The following FBXW2 variants were observed in gnomAD, a reference collection of about 807,000 sequenced individuals.
FBXW2 encodes the protein F-box and WD repeat domain containing 2, also known as F-box/WD repeat-containing protein 2.
FBXW2 carries 12 observed loss-of-function variants against 46.0 expected under a neutral mutation model. That is an observed-to-expected ratio of 0.26 (90% CI 0.17 to 0.42). The LOEUF is 0.42. FBXW2 is among the 10% of genes least tolerant of loss of function. FBXW2 has a pLI of 1.00. For synonymous variants in FBXW2, 203 were observed against 209.6 expected, an observed-to-expected ratio of 0.97 and a Z score of 0.27; for missense variants, 360 against 537.0, an observed-to-expected ratio of 0.67 and a Z score of 3.26.
chr9:120,773,623 A>C (rs1444200143), intron 5 of FBXW2, among the ~76,000 whole-genome samples: 1 of 152,218 alleles, frequency 6.6e-6, no homozygotes, highest in Non-Finnish European at 1.5e-5. Flanking sequence ...TTTTGCAATC[A>C]ATCAGGCTAA....
intron 3 of FBXW2, among the ~76,000 whole-genome samples, chr9:120,784,528 C>G (rs2044678301): frequency 6.6e-6 from 1 of 151,782 alleles, no homozygotes; most frequent in Non-Finnish European, 1.5e-5. Flanking sequence ...ATGGGAGGAT[C>G]ACCTGAGCCC....
rs1229398530 is a variant in FBXW2, at chr9:120,757,005, T to C, written c.*7554A>G. ...TGAACTATTATTTCTAAATCAGTGATAATTAGATTAGTGAAATTTTATTTA... is the reference window on the plus strand; with the variant it reads ...TGAACTATTATTTCTAAATCAGTGACAATTAGATTAGTGAAATTTTATTTA... On this transcript the variant is annotated 3_prime_UTR_variant, in exon 8 of 8. Coordinates refer to ENST00000608872, the MANE Select transcript of FBXW2 (RefSeq NM_012164.4). 1 of 152,240 alleles carries C rather than the reference T, an allele frequency of 6.6e-6. No individual in the cohort carries two copies. Among genetic ancestry groups the C allele is most frequent in the African/African-American group, 2.4e-5 (1 of 41,464 alleles). The allele number at this position is 152,240 out of a possible 1,614,324, so 9.4% of individuals were successfully genotyped here.
At position 120,763,074 on chromosome 9, in the gene FBXW2, T is replaced by C. The variant is rs926950237; in HGVS notation, c.*1485A>G. 6.6e-6 allele frequency: 1 copy of C among 152,212 alleles called. No individual in the cohort carries two copies. Among genetic ancestry groups the C allele is most frequent in the Middle Eastern group, 3.2e-3 (1 of 316 alleles). The allele number at this position is 152,212 out of a possible 1,614,324, so 9.4% of individuals were successfully genotyped here. A position where few individuals can be genotyped will look rare whatever the true frequency, so the allele number is the denominator to read the frequency against. On this transcript the variant is annotated 3_prime_UTR_variant, in exon 8 of 8. Transcript: ENST00000608872. ...GTTTGGCTCACCTTATTTCAAATTT[T>C]CTTTAATCAGTTGTAACGTTTTAAA...
In FBXW2 at chr9:120,760,797, A is replaced by C. The variant is rs752326612; in HGVS notation, c.*3762T>G. 1 of 152,220 alleles carries C rather than the reference A, an allele frequency of 6.6e-6. No individual in the cohort carries two copies. The highest frequency in any genetic ancestry group is 1.5e-5 in the Non-Finnish European group (1 of 68,038). 9.4% of individuals were successfully genotyped at this position (152,220 alleles called of 1,614,324 possible). ...ATCCTTAGCTGATTCTGTTAGATCA[A>C]AATGCCTAATACAAACAATTTCCTC... is the stretch of plus-strand genomic sequence containing the variant. On this transcript the variant is annotated 3_prime_UTR_variant, in exon 8 of 8. Coordinates refer to ENST00000608872, the MANE Select transcript of FBXW2 (RefSeq NM_012164.4).
At position 120,760,522 on chromosome 9, in the gene FBXW2, G is replaced by A. The variant is rs1420428084; in HGVS notation, c.*4037C>T. ...ACGCGCCTGTAGTCTCAGCTACTCA[G>A]GAGGCTGAGGCAGGAGAATCGCTTG... On this transcript the variant is annotated 3_prime_UTR_variant, in exon 8 of 8. Coordinates refer to ENST00000608872, the MANE Select transcript of FBXW2 (RefSeq NM_012164.4). The A allele has an allele frequency of 6.6e-6, 1 of 152,492 alleles. No homozygotes were observed. The highest frequency in any genetic ancestry group is 1.9e-4 in the East Asian group (1 of 5,214). The allele number at this position is 152,492 out of a possible 1,614,324, so 9.4% of individuals were successfully genotyped here.
chr9:120,791,172 CTT>C (rs1451710338), intron 2 of FBXW2, among the ~76,000 whole-genome samples: 1 of 152,176 alleles, frequency 6.6e-6, no homozygotes, highest in Non-Finnish European at 1.5e-5. Context: ...AAACTGGACT[CTT>C]TTAGGCAGCC....
At chr9:120,785,711 C>A (rs2044705392) in intron 3 of FBXW2, among the ~76,000 whole-genome samples, 2 of 151,988 alleles carry the variant, frequency 1.3e-5, no homozygotes, top group Non-Finnish European at 2.9e-5. Flanking sequence ...TCAATTCAAT[C>A]TATCTGGAAA....
At chr9:120,782,890 A>T (rs934043578) in intron 3 of FBXW2, among the ~76,000 whole-genome samples, 1 of 152,128 alleles carries the variant, frequency 6.6e-6, no homozygotes, top group African/African-American at 2.4e-5. Flanking sequence ...AAAATTGGAT[A>T]CAGTTTAACT....
At chr9:120,766,333 A>G (rs960330906) in intron 7 of FBXW2, among the ~76,000 whole-genome samples, 6 of 152,238 alleles carry the variant, frequency 3.9e-5, no homozygotes, top group Non-Finnish European at 5.9e-5. Context: ...AACTAGGATC[A>G]GAGGCAAAGA....
intron 5 of FBXW2, among the ~76,000 whole-genome samples, chr9:120,775,039 T>C (rs1164076337): frequency 6.6e-6 from 1 of 152,164 alleles, no homozygotes; most frequent in African/African-American, 2.4e-5. Flanking sequence ...AAAAACTTTT[T>C]TCTGAACTAA....
chr9:120,771,794 C>T (rs1244529003), intron 6 of FBXW2, among the ~76,000 whole-genome samples: 5 of 152,132 alleles, frequency 3.3e-5, no homozygotes, highest in Admixed American at 6.5e-5. Context: ...CACGGTGGCT[C>T]GCGCCTGTAA....
At position 120,787,915 on chromosome 9, in the gene FBXW2, T is replaced by A. The variant is rs1320067241; in HGVS notation, c.344A>T (p.Asp115Val). Residue 115 changes from aspartate to valine, a missense_variant, in exon 3 of 8, where the codon GAC (aspartate) becomes GTC (valine). Transcript: ENST00000608872. ...LGWQIDDSVQ[D>V]ALHWKKVYLK... ...ATAAACCTTCTTCCAGTGCAAAGCG[T>A]CCTGAACAGAATCATCTATCTGCCA... is the stretch of plus-strand genomic sequence containing the variant. 2 of 1,614,230 alleles carry A rather than the reference T, an allele frequency of 1.2e-6. No homozygotes were observed. Among genetic ancestry groups the A allele is most frequent in the South Asian group, 2.2e-5 (2 of 91,086 alleles).
intron 2 of FBXW2, among the ~76,000 whole-genome samples, chr9:120,790,247 G>T (rs893386650): frequency 6.6e-6 from 1 of 152,190 alleles, no homozygotes; most frequent in Non-Finnish European, 1.5e-5. Context: ...GTGAGACTGA[G>T]GTGGGCTCGG....
chr9:120,779,665 G>A (rs2044569282), intron 3 of FBXW2, among the ~76,000 whole-genome samples: 1 of 152,190 alleles, frequency 6.6e-6, no homozygotes, highest in Non-Finnish European at 1.5e-5. Context: ...AAAACACACA[G>A]GCAGGTCCCT....
Position 120,763,635 on chromosome 9 carries a change from A to G in FBXW2, c.*924T>C, listed in dbSNP as rs1258210393. 6.6e-6 allele frequency: 1 copy of G among 152,230 alleles called. No individual in the cohort carries two copies. Among genetic ancestry groups the G allele is most frequent in the African/African-American group, 2.4e-5 (1 of 41,462 alleles). 9.4% of individuals were successfully genotyped at this position (152,230 alleles called of 1,614,324 possible). On this transcript the variant is annotated 3_prime_UTR_variant, in exon 8 of 8. Coordinates refer to ENST00000608872, the MANE Select transcript of FBXW2 (RefSeq NM_012164.4). ...TCATTTAAATATTATCCGACCTGAAAGAAACCATGAATCAGGGATCAGACA... is the reference window on the plus strand; with the variant it reads ...TCATTTAAATATTATCCGACCTGAAGGAAACCATGAATCAGGGATCAGACA...
At chr9:120,789,937 T>G (rs2044800591) in intron 2 of FBXW2, among the ~76,000 whole-genome samples, 1 of 152,236 alleles carries the variant, frequency 6.6e-6, no homozygotes, top group African/African-American at 2.4e-5. Context: ...TAGAGAAGAT[T>G]TATTAATCTG....
chr9:120,779,850 A>G (rs1056248021), intron 3 of FBXW2, among the ~76,000 whole-genome samples: 2 of 152,228 alleles, frequency 1.3e-5, no homozygotes, highest in African/African-American at 4.8e-5. Context: ...CCTAATAGTT[A>G]CATTAAAAAA....
intron 3 of FBXW2, among the ~76,000 whole-genome samples, chr9:120,780,094 C>T (rs571075790): frequency 5.3e-5 from 8 of 150,086 alleles, no homozygotes; most frequent in Non-Finnish European, 8.8e-5. Context: ...GCTGAGATCA[C>T]GCCACTGCAT....
At chr9:120,783,322 T>C (rs1011353674) in intron 3 of FBXW2, among the ~76,000 whole-genome samples, 17 of 152,260 alleles carry the variant, frequency 1.1e-4, no homozygotes, top group African/African-American at 3.6e-4. Flanking sequence ...TTTGCTGCAC[T>C]GGCTAACCCA....
Sources: gnomAD v4.1 joint callset for allele counts (sites outside exome capture counted in the v4.1 genomes callset) on GRCh38, gnomAD v4.1.1 for gene constraint, MANE v1.5 for transcripts, NCBI Gene and HGNC (gene_info 2026-07-23, HGNC 2026-07-21) for gene names.